Variants in ZNF138 observed in about 807,000 individuals in gnomAD.
The protein encoded by ZNF138 is zinc finger protein 138 (clone pHZ-32).
Under a neutral mutation model 33.0 loss-of-function variants are expected in ZNF138, and 33 were observed. The ratio of observed to expected loss-of-function variants is 1.00; its 90% CI spans 0.76 to 1.34. The LOEUF (loss-of-function observed/expected upper bound fraction) is 1.34, where lower values mean the gene tolerates loss of function less well. Ranked by LOEUF, ZNF138 falls within the 40% of genes most tolerant of loss-of-function variation. The probability of loss-of-function intolerance (pLI) is 0.00; values close to 1 mark genes in which losing one functional copy is unlikely to be tolerated. For missense variants in ZNF138, 360 were observed against 370.8 expected (o/e 0.97, Z 0.24); for synonymous variants, 139 against 120.4 (o/e 1.15, Z -1.01).
chr7:64,822,738 TG>T (rs1165646674), intron 3 of ZNF138, among the ~76,000 whole-genome samples: 9 of 152,330 alleles, frequency 5.9e-5, no homozygotes, highest in African/African-American at 1.7e-4. Context: ...TTTTAATGGA[TG>T]TTTTGCTATA....
intron 1 of ZNF138, among the ~76,000 whole-genome samples, chr7:64,806,175 TC>T (rs1441159017): frequency 6.6e-6 from 1 of 152,206 alleles, no homozygotes; most frequent in Non-Finnish European, 1.5e-5. Context: ...GGGGCCTTTC[TC>T]AGGCTTCCAG....
chr7:64,852,631 G>A, the ZNF138 span: 1 of 1,454,364 alleles, frequency 6.9e-7, no homozygotes, highest in Non-Finnish European at 9.7e-7. Flanking sequence ...GCCTCGCCAT[G>A]TTCATCATCA....
intron 3 of ZNF138, among the ~76,000 whole-genome samples, chr7:64,818,182 C>T (rs1438143622): frequency 6.6e-6 from 1 of 151,688 alleles, no homozygotes; most frequent in African/African-American, 2.4e-5. Flanking sequence ...GATAGGGTTT[C>T]ACCATGCTGG....
At chr7:64,809,812 C>A (rs1272821335) in intron 1 of ZNF138, among the ~76,000 whole-genome samples, 1 of 133,974 alleles carries the variant, frequency 7.5e-6, no homozygotes, top group Non-Finnish European at 1.6e-5. Flanking sequence ...CTCCTCACAT[C>A]CCAGACGGGG....
the ZNF138 span, among the ~76,000 whole-genome samples, chr7:64,840,084 G>C: frequency 6.6e-6 from 1 of 152,102 alleles, no homozygotes; most frequent in Non-Finnish European, 1.5e-5. Flanking sequence ...AACAGGAAAG[G>C]TGAACCTGGA....
chr7:64,827,588 CTTTATT>C (rs1199532024), intron 3 of ZNF138, among the ~76,000 whole-genome samples: 1 of 151,902 alleles, frequency 6.6e-6, no homozygotes, highest in Admixed American at 6.6e-5. Flanking sequence ...CTTGGAGAGT[CTTTATT>C]TTTATCTTGT....
chr7:64,818,932 C>G (rs998477915), intron 3 of ZNF138, among the ~76,000 whole-genome samples: 1 of 152,088 alleles, frequency 6.6e-6, no homozygotes, highest in Admixed American at 6.6e-5. Context: ...TAATGTTACA[C>G]CAATATTACA....
Position 64,831,623 on chromosome 7 carries a change from T to TA in ZNF138, c.383dup (p.Asn128LysfsTer15). 6.2e-6 allele frequency: 10 copies of TA among 1,610,142 alleles called. No individual in the cohort carries two copies. Among genetic ancestry groups the TA allele is most frequent in the Non-Finnish European group, 8.5e-6 (10 of 1,178,642 alleles). On this transcript the variant is annotated frameshift_variant, in exon 4 of 4. Coordinates refer to ENST00000307355, the MANE Select transcript of ZNF138 (RefSeq NM_001271639.2). LOFTEE classifies it high-confidence loss of function. ...GACACCAAGGAGGTTTTAATGGACTTAACCAATGTTTGAAAATTACCACAA... is the reference window on the plus strand; with the variant it reads ...GACACCAAGGAGGTTTTAATGGACTTAAACCAATGTTTGAAAATTACCACAA...
At chr7:64,820,517 G>A (rs957679968) in intron 3 of ZNF138, among the ~76,000 whole-genome samples, 4 of 151,572 alleles carry the variant, frequency 2.6e-5, no homozygotes, top group Admixed American at 6.6e-5. Context: ...TTCAGGTCCT[G>A]GGTTGCATAG....
chr7:64,839,772 G>A, the ZNF138 span, among the ~76,000 whole-genome samples: 3 of 152,240 alleles, frequency 2.0e-5, no homozygotes, highest in East Asian at 1.9e-4. Flanking sequence ...CCGAGCCTCT[G>A]GGGGGCTTAG....
intron 1 of ZNF138, among the ~76,000 whole-genome samples, chr7:64,804,674 C>T (rs1447096557): frequency 6.6e-6 from 1 of 152,050 alleles, no homozygotes; most frequent in Non-Finnish European, 1.5e-5. Context: ...CCAGCTACTC[C>T]AGAGGCTGAG....
chr7:64,816,784 C>A (rs1290899850), intron 3 of ZNF138, among the ~76,000 whole-genome samples: 2 of 152,094 alleles, frequency 1.3e-5, no homozygotes, highest in Non-Finnish European at 2.9e-5. Flanking sequence ...GGAGCAAACA[C>A]CTCTTCACGT....
the ZNF138 span, chr7:64,853,414 G>T: frequency 1.1e-6 from 1 of 934,522 alleles, no homozygotes; most frequent in Non-Finnish European, 1.6e-6. Flanking sequence ...CGAGTTGGCT[G>T]GGTTCTTTAT....
intron 3 of ZNF138, among the ~76,000 whole-genome samples, chr7:64,830,349 T>C (rs1430263988): frequency 6.6e-6 from 1 of 152,198 alleles, no homozygotes; most frequent in Non-Finnish European, 1.5e-5. Flanking sequence ...CAATTTGTTT[T>C]TTAATATCTT....
Position 64,832,134 on chromosome 7 carries a change from C to T in ZNF138, c.892C>T (p.Gln298Ter), listed in dbSNP as rs1790142540. ...GCAGTCCCCAACCCTTACTAAACAT[C>T]AGATAATTTATACTGGAGAGGAACC... ...FKQSPTLTKHQIIYTGEEPYK... is the reference protein window; with the variant it reads ...FKQSPTLTKH Residue 298 changes from glutamine (Q) to a stop codon, truncating the protein, a stop_gained, in exon 4 of 4, where the codon CAG (glutamine) becomes TAG (stop). Coordinates refer to ENST00000307355, the MANE Select transcript of ZNF138 (RefSeq NM_001271639.2). LOFTEE classifies it high-confidence loss of function. 1 of 1,612,086 alleles carries T rather than the reference C, an allele frequency of 6.2e-7. No homozygotes were observed.
At chr7:64,828,322 C>T (rs2129013976) in intron 3 of ZNF138, among the ~76,000 whole-genome samples, 1 of 152,178 alleles carries the variant, frequency 6.6e-6, no homozygotes, top group South Asian at 2.1e-4. Context: ...AAAGCTACAT[C>T]TCACTACACA....
the ZNF138 span, chr7:64,853,267 C>A: frequency 1.2e-6 from 2 of 1,610,978 alleles, no homozygotes; most frequent in Non-Finnish European, 1.7e-6. Flanking sequence ...ACTTTGTAGC[C>A]TGTGCCCTTC....
chr7:64,804,560 A>G (rs1269330933), intron 1 of ZNF138, among the ~76,000 whole-genome samples: 2 of 146,530 alleles, frequency 1.4e-5, no homozygotes, highest in Non-Finnish European at 3.0e-5. Flanking sequence ...AGGTGGGTGG[A>G]TCATTGCAGT....
At position 64,803,640 on chromosome 7, in the gene ZNF138, A is replaced by G. The variant is rs144214340; in HGVS notation, c.3+9069A>G. On this transcript the variant is annotated intron_variant, in intron 1 of 3. Transcript: ENST00000307355. ...CAGTATTTTATACAGTAGTGTGAAT[A>G]TAACACCACAATATTTGCTTTGAAT... Among the ~76,000 whole-genome samples, 847 of 152,344 alleles carry G rather than the reference A, an allele frequency of 5.6e-3. 2 individuals are homozygous for G. Among genetic ancestry groups the G allele is most frequent in the Non-Finnish European group, 0.01 (681 of 68,032 alleles).
Sources: gnomAD v4.1 joint callset for allele counts (sites outside exome capture counted in the v4.1 genomes callset) on GRCh38, gnomAD v4.1.1 for gene constraint, MANE v1.5 for transcripts, NCBI Gene and HGNC (gene_info 2026-07-23, HGNC 2026-07-21) for gene names.